Variants in ETV6 observed in about 807,000 individuals in gnomAD.
The protein encoded by ETV6 is transcription factor ETV6.
Under a neutral mutation model 51.1 loss-of-function variants are expected in ETV6, and 16 were observed. That is an observed-to-expected ratio of 0.31 (90% confidence interval 0.21 to 0.48). The LOEUF is 0.48. Ranked by LOEUF, ETV6 falls within the 20% of genes least tolerant of loss-of-function variation. The pLI, the probability that ETV6 is intolerant of heterozygous loss-of-function variation, is 0.99. For missense variants in ETV6, 458 were observed against 594.8 expected (o/e 0.77, Z 2.39); for synonymous variants, 240 against 224.1 (o/e 1.07, Z -0.64).
chr12:11,842,620 A>G (rs1194461036), intron 3 of ETV6, among the ~76,000 whole-genome samples: 3 of 152,176 alleles, frequency 2.0e-5, no homozygotes, highest in Non-Finnish European at 4.4e-5. Context: ...GTTTGAGAGT[A>G]CCCAGGTTAA....
At chr12:11,789,173 C>T (rs888479669) in intron 2 of ETV6, among the ~76,000 whole-genome samples, 4 of 152,098 alleles carry the variant, frequency 2.6e-5, no homozygotes, top group African/African-American at 9.7e-5. Flanking sequence ...GCTGGGATTA[C>T]AGGCGCCAGC....
intron 1 of ETV6, among the ~76,000 whole-genome samples, chr12:11,741,906 G>A (rs1047013705): frequency 1.3e-5 from 2 of 152,202 alleles, no homozygotes; most frequent in African/African-American, 2.4e-5. Context: ...CTTTAACAGC[G>A]TTCATGCCTG....
chr12:11,850,013 A>G (rs1442429088), intron 3 of ETV6, among the ~76,000 whole-genome samples: 3 of 152,148 alleles, frequency 2.0e-5, no homozygotes, highest in African/African-American at 7.2e-5. Context: ...TGACTCAGCT[A>G]AGGCCACACT....
At chr12:11,720,050 C>G (rs1042471065) in intron 1 of ETV6, among the ~76,000 whole-genome samples, 1 of 152,218 alleles carries the variant, frequency 6.6e-6, no homozygotes, top group African/African-American at 2.4e-5. Context: ...AAGCTATAAA[C>G]AGGACTGGTG....
At chr12:11,712,918 A>C (rs1401700274) in intron 1 of ETV6, among the ~76,000 whole-genome samples, 3 of 152,160 alleles carry the variant, frequency 2.0e-5, no homozygotes, top group African/African-American at 7.2e-5. Flanking sequence ...ACTGTTCTTC[A>C]TGCTTGAGCC....
At chr12:11,719,453 G>A (rs927936073) in intron 1 of ETV6, among the ~76,000 whole-genome samples, 3 of 152,230 alleles carry the variant, frequency 2.0e-5, no homozygotes, top group Non-Finnish European at 4.4e-5. Context: ...TTCCCTGAAG[G>A]ACAAGCTCTT....
chr12:11,774,119 T>A (rs1171336988), intron 2 of ETV6, among the ~76,000 whole-genome samples: 1 of 152,096 alleles, frequency 6.6e-6, no homozygotes, highest in African/African-American at 2.4e-5. Flanking sequence ...AGTTGGCAGA[T>A]CTCAGAAAGG....
intron 2 of ETV6, among the ~76,000 whole-genome samples, chr12:11,809,741 A>G (rs1945884436): frequency 1.3e-5 from 2 of 149,930 alleles, no homozygotes; most frequent in African/African-American, 4.9e-5. Flanking sequence ...CTACCCTCCC[A>G]GTTTCCCTGC....
intron 2 of ETV6, among the ~76,000 whole-genome samples, chr12:11,779,723 T>C (rs1398761471): frequency 6.6e-6 from 1 of 152,226 alleles, no homozygotes; most frequent in African/African-American, 2.4e-5. Context: ...CTTGGATCTC[T>C]AGAATGGTTC....
intron 1 of ETV6, among the ~76,000 whole-genome samples, chr12:11,710,655 C>T (rs1865157098): frequency 6.6e-6 from 1 of 152,128 alleles, no homozygotes; most frequent in Non-Finnish European, 1.5e-5. Flanking sequence ...TATAGTGCGC[C>T]TATTGCCTTG....
chr12:11,759,386 G>A (rs1193000276), intron 2 of ETV6, among the ~76,000 whole-genome samples: 3 of 152,122 alleles, frequency 2.0e-5, no homozygotes, highest in South Asian at 2.1e-4. Flanking sequence ...TTCTGAAGTA[G>A]ACATTTGGAA....
intron 2 of ETV6, among the ~76,000 whole-genome samples, chr12:11,803,666 G>C (rs1198987878): frequency 6.6e-6 from 1 of 152,152 alleles, no homozygotes; most frequent in Non-Finnish European, 1.5e-5. Flanking sequence ...TTAGTTTGGG[G>C]CACTCAGAGG....
At chr12:11,836,304 C>T (rs1028408089) in intron 2 of ETV6, among the ~76,000 whole-genome samples, 1 of 152,214 alleles carries the variant, frequency 6.6e-6, no homozygotes, top group East Asian at 1.9e-4. Context: ...AACGTGTCCA[C>T]CTACTTCACT....
intron 1 of ETV6, among the ~76,000 whole-genome samples, chr12:11,652,104 A>T (rs1170267842): frequency 6.6e-6 from 1 of 152,200 alleles, no homozygotes; most frequent in Non-Finnish European, 1.5e-5. Flanking sequence ...CTTACAACTC[A>T]GTTCTTTCAG....
chr12:11,878,543 C>G (rs992787312), intron 5 of ETV6, among the ~76,000 whole-genome samples: 3 of 152,128 alleles, frequency 2.0e-5, no homozygotes, highest in Admixed American at 2.0e-4. Flanking sequence ...GCCTTCTCCA[C>G]ACCTTATGTA....
chr12:11,752,492 A>G lies in ETV6; in HGVS notation c.76A>G (p.Ser26Gly). 6.2e-7 allele frequency: 1 copy of G among 1,613,892 alleles called. No homozygotes were observed. The highest frequency in any genetic ancestry group is 8.5e-7 in the Non-Finnish European group (1 of 1,179,930). ...TACACCTCCAGAGAGCCCAGTGCCG[A>G]GTTACGCTTCCTCGACGCCACTTCA... Reference protein sequence around the residue: ...SYTPPESPVPSYASSTPLHVP... With the variant: ...SYTPPESPVPGYASSTPLHVP... Residue 26 changes from serine (S) to glycine (G), a missense_variant, in exon 2 of 8, where the codon AGT (serine) becomes GGT (glycine). Coordinates refer to ENST00000396373, the MANE Select transcript of ETV6 (RefSeq NM_001987.5).
At chr12:11,682,336 CGT>C (rs1157062623) in intron 1 of ETV6, among the ~76,000 whole-genome samples, 1 of 152,036 alleles carries the variant, frequency 6.6e-6, no homozygotes, top group Non-Finnish European at 1.5e-5. Flanking sequence ...AGCTTTTTTT[CGT>C]ATGTTTGTTG....
At chr12:11,855,544 C>G (rs1372817229) in intron 4 of ETV6, among the ~76,000 whole-genome samples, 1 of 152,190 alleles carries the variant, frequency 6.6e-6, no homozygotes, top group Non-Finnish European at 1.5e-5. Context: ...AAAATGATTG[C>G]TCATCCCCAA....
chr12:11,819,170 C>T (rs1250052395), intron 2 of ETV6, among the ~76,000 whole-genome samples: 1 of 152,122 alleles, frequency 6.6e-6, no homozygotes, highest in Non-Finnish European at 1.5e-5. Flanking sequence ...ACATGGTGTC[C>T]TCCTCCTCAC....
Sources: gnomAD v4.1 joint callset for allele counts (sites outside exome capture counted in the v4.1 genomes callset) on GRCh38, gnomAD v4.1.1 for gene constraint, MANE v1.5 for transcripts, NCBI Gene and HGNC (gene_info 2026-07-23, HGNC 2026-07-21) for gene names.